The following PCTP variants were observed in gnomAD, a reference collection of about 807,000 sequenced individuals.
The protein encoded by PCTP is START domain-containing protein 2.
Under a neutral mutation model 31.0 loss-of-function variants are expected in PCTP, and 27 were observed. The ratio of observed to expected loss-of-function variants is 0.87; its 90% CI spans 0.64 to 1.20. The LOEUF (loss-of-function observed/expected upper bound fraction) is 1.20. Ranked by LOEUF, PCTP falls within the 50% of genes most tolerant of loss-of-function variation. PCTP has a pLI of 0.00. For missense variants in PCTP, 287 were observed against 268.2 expected (o/e 1.07, Z -0.49); for synonymous variants, 108 against 101.2 (o/e 1.07, Z -0.40).
intron 3 of PCTP, among the ~76,000 whole-genome samples, chr17:55,798,989 A>C (rs1329215492): frequency 6.6e-6 from 1 of 151,798 alleles, no homozygotes; most frequent in Non-Finnish European, 1.5e-5. Flanking sequence ...ATATATATTT[A>C]TGTTAAATAT....
At chr17:55,819,735 C>T (rs986076713) in intron 3 of PCTP, among the ~76,000 whole-genome samples, 6 of 152,008 alleles carry the variant, frequency 3.9e-5, no homozygotes, top group Non-Finnish European at 8.8e-5. Flanking sequence ...CAGAGTGAGA[C>T]CCTGCCTAAA....
chr17:55,759,584 G>T (rs1305512618), intron 1 of PCTP, among the ~76,000 whole-genome samples: 2 of 152,174 alleles, frequency 1.3e-5, no homozygotes, highest in African/African-American at 4.8e-5. Flanking sequence ...TAGATAAATA[G>T]ATTGGGGGTG....
intron 1 of PCTP, among the ~76,000 whole-genome samples, chr17:55,753,337 C>T (rs139074312): frequency 6.6e-5 from 10 of 152,292 alleles, no homozygotes; most frequent in African/African-American, 2.4e-4. Flanking sequence ...ACTACCTTTT[C>T]AGTGGCCTAT....
In PCTP at chr17:55,751,158, G is replaced by A. The variant is rs1433483909; in HGVS notation, c.55G>A (p.Glu19Lys). 1.9e-6 allele frequency: 3 copies of A among 1,548,110 alleles called. No homozygotes were observed. Among genetic ancestry groups the A allele is most frequent in the Non-Finnish European group, 1.7e-6 (2 of 1,146,104 alleles). Reference sequence around the variant, plus strand: ...GGAGCAGTTCTGGGAGGCCTGCGCCGAGCTCCAGCAGCCCGCTCTGGCCGG... The same window carrying A: ...GGAGCAGTTCTGGGAGGCCTGCGCCAAGCTCCAGCAGCCCGCTCTGGCCGG... ...SEEQFWEACA[E>K]LQQPALAGAD... Residue 19 changes from glutamate to lysine, a missense_variant, in exon 1 of 6, where the codon GAG becomes AAG. By Grantham distance (56) the Glu-to-Lys change is moderately conservative. Transcript: ENST00000268896.
At chr17:55,782,887 C>A (rs919573962) in intron 2 of PCTP, among the ~76,000 whole-genome samples, 1 of 152,138 alleles carries the variant, frequency 6.6e-6, no homozygotes, top group Non-Finnish European at 1.5e-5. Context: ...TATTTATTTT[C>A]TGTTCATTTA....
intron 1 of PCTP, chr17:55,751,526 T>G (rs1286269681): frequency 1.4e-6 from 2 of 1,457,310 alleles, no homozygotes; most frequent in East Asian, 5.9e-5. Flanking sequence ...AGTTGAAACG[T>G]GGGTCAGCTG....
At chr17:55,844,243 G>C (rs1906074176), downstream of PCTP, among the ~76,000 whole-genome samples, 1 of 152,156 alleles carries the variant, frequency 6.6e-6, no homozygotes, top group South Asian at 2.1e-4. Context: ...AGGCCATTTT[G>C]TGTGCAAATT....
In PCTP at chr17:55,765,508, T is replaced by A. The variant is rs529478672; in HGVS notation, c.142-1827T>A. Among the ~76,000 whole-genome samples the A allele has an allele frequency of 1.2e-4, 19 of 152,276 alleles. No individual in the cohort carries two copies. In the South Asian group the frequency reaches 3.7e-3, roughly 30 times the overall value. On this transcript the variant is annotated intron_variant, in intron 1 of 5. Transcript: ENST00000268896. ...CTTTTTACTTTACCTCCAAAATATA[T>A]CCTTAAATCACTGACTCCTCGCCAT...
At chr17:55,847,920 T>TTTTTGC in the PCTP span, among the ~76,000 whole-genome samples, 1 of 152,048 alleles carries the variant, frequency 6.6e-6, no homozygotes, top group Non-Finnish European at 1.5e-5. Flanking sequence ...TTTGTTTTTG[T>TTTTTGC]TTTTGTTTTT....
intron 2 of PCTP, chr17:55,770,266 A>T (rs1910911088): frequency 6.6e-6 from 1 of 152,212 alleles, no homozygotes; most frequent in Non-Finnish European, 1.5e-5. Context: ...AGAAGAAAGA[A>T]ACTTGGGGTA....
downstream of PCTP, among the ~76,000 whole-genome samples, chr17:55,846,208 G>A (rs186913151): frequency 8.5e-5 from 13 of 152,140 alleles, no homozygotes; most frequent in African/African-American, 3.1e-4. Context: ...CAATGCTCTT[G>A]ATAACTTAAA....
At chr17:55,827,217 G>T (rs1316434503), downstream of PCTP, among the ~76,000 whole-genome samples, 1 of 152,096 alleles carries the variant, frequency 6.6e-6, no homozygotes, top group Non-Finnish European at 1.5e-5. Flanking sequence ...AGGAGTCTAG[G>T]TCTCCAGAGG....
chr17:55,789,166 C>A (rs965497727), intron 3 of PCTP, among the ~76,000 whole-genome samples: 9 of 152,184 alleles, frequency 5.9e-5, no homozygotes, highest in African/African-American at 2.2e-4. Context: ...ACTTCCATGA[C>A]TTTATCCATC....
intron 5 of PCTP, among the ~76,000 whole-genome samples, chr17:55,839,478 C>A (rs1387770425): frequency 2.0e-5 from 3 of 152,168 alleles, no homozygotes; most frequent in Admixed American, 2.0e-4. Flanking sequence ...CTGGTCCCAA[C>A]CCCATGGAGC....
At chr17:55,775,274 G>GT in intron 5 of PCTP, 1 of 1,234,776 alleles carries the variant, frequency 8.1e-7, no homozygotes, top group East Asian at 3.1e-5. Flanking sequence ...CACTTTTGTT[G>GT]TTGTTGCCCT....
At chr17:55,842,348 G>C (rs567661365) in intron 5 of PCTP, among the ~76,000 whole-genome samples, 2 of 152,302 alleles carry the variant, frequency 1.3e-5, no homozygotes, top group African/African-American at 4.8e-5. Context: ...AATGGGAACT[G>C]TTTGGTTTAA....
At chr17:55,777,650 A>G (rs564314669), downstream of PCTP, among the ~76,000 whole-genome samples, 1 of 152,340 alleles carries the variant, frequency 6.6e-6, no homozygotes, top group South Asian at 2.1e-4. Flanking sequence ...GCATCTTCCT[A>G]GGCTCATGCC....
intron 3 of PCTP, among the ~76,000 whole-genome samples, chr17:55,794,790 AC>A (rs923230150): frequency 1.2e-4 from 18 of 151,988 alleles, no homozygotes; most frequent in African/African-American, 3.9e-4. Context: ...CTGCCAAGAG[AC>A]CACAAGCTAT....
In PCTP at chr17:55,776,374, T is replaced by A. The variant is rs1421983734; in HGVS notation, c.*274T>A. The A allele has an allele frequency of 1.6e-6, 2 of 1,285,932 alleles. No homozygotes were observed. Among genetic ancestry groups the A allele is most frequent in the Non-Finnish European group, 2.0e-6 (2 of 1,019,728 alleles). 79.7% of individuals were successfully genotyped at this position (1,285,932 alleles called of 1,614,324 possible). ...GGCTGCCTTCTTCTACAGTTCAATATGGGGCAGACTAGGGAAACCTTTGCT... is the reference window on the plus strand; with the variant it reads ...GGCTGCCTTCTTCTACAGTTCAATAAGGGGCAGACTAGGGAAACCTTTGCT... On this transcript the variant is annotated 3_prime_UTR_variant, in exon 6 of 6. Coordinates refer to ENST00000268896, the MANE Select transcript of PCTP (RefSeq NM_021213.4).
Sources: gnomAD v4.1 joint callset for allele counts (sites outside exome capture counted in the v4.1 genomes callset) on GRCh38, gnomAD v4.1.1 for gene constraint, MANE v1.5 for transcripts, NCBI Gene and HGNC (gene_info 2026-07-23, HGNC 2026-07-21) for gene names.